Variants in DLGAP1 observed in about 807,000 individuals in gnomAD.
The protein encoded by DLGAP1 is disks large-associated protein 1.
A neutral mutation model predicts 90.8 loss-of-function variants in DLGAP1; 11 were observed. The ratio of observed to expected loss-of-function variants is 0.12; its 90% CI spans 0.08 to 0.20. DLGAP1 has a LOEUF of 0.20. DLGAP1 is among the 10% of genes least tolerant of loss of function. The pLI is 1.00. For synonymous variants in DLGAP1, 558 were observed against 540.7 expected (o/e 1.03, Z -0.44); for missense variants, 1,050 against 1,333.8 (o/e 0.79, Z 3.31).
At chr18:3,835,190 T>G (rs2068297514) in intron 4 of DLGAP1, among the ~76,000 whole-genome samples, 1 of 152,196 alleles carries the variant, frequency 6.6e-6, no homozygotes, top group Admixed American at 6.5e-5. Flanking sequence ...TTTAGATGAT[T>G]TAGCTGTTTA....
intron 2 of DLGAP1, among the ~76,000 whole-genome samples, chr18:4,037,016 A>C (rs898970618): frequency 1.3e-5 from 2 of 152,186 alleles, no homozygotes; most frequent in African/African-American, 4.8e-5. Flanking sequence ...CTCTCTGTTC[A>C]TTAGTAAGAG....
intron 1 of DLGAP1, among the ~76,000 whole-genome samples, chr18:4,203,985 A>G (rs2077664535): frequency 6.6e-6 from 1 of 152,186 alleles, no homozygotes; most frequent in African/African-American, 2.4e-5. Flanking sequence ...CAAACACAAG[A>G]AGCTTAGGAT....
chr18:3,769,199 T>C (rs1317182429), intron 5 of DLGAP1, among the ~76,000 whole-genome samples: 4 of 152,128 alleles, frequency 2.6e-5, no homozygotes. Flanking sequence ...AATAAGATAG[T>C]ACTCCACTCC....
At chr18:4,196,196 C>T (rs977809470) in intron 1 of DLGAP1, among the ~76,000 whole-genome samples, 1 of 152,096 alleles carries the variant, frequency 6.6e-6, no homozygotes, top group African/African-American at 2.4e-5. Context: ...ACGGACATTA[C>T]AGTAAAGGAG....
At chr18:3,682,116 C>CAAAAAA (rs56914443) in intron 7 of DLGAP1, among the ~76,000 whole-genome samples, 1 of 111,948 alleles carries the variant, frequency 8.9e-6, no homozygotes, top group Non-Finnish European at 1.9e-5. Flanking sequence ...GACCCTGTCT[C>CAAAAAA]AAAAAAAAAA....
At chr18:4,043,184 G>T (rs2075000946) in intron 2 of DLGAP1, among the ~76,000 whole-genome samples, 1 of 152,244 alleles carries the variant, frequency 6.6e-6, no homozygotes, top group African/African-American at 2.4e-5. Flanking sequence ...AATATTTGTT[G>T]TAAATATAAT....
chr18:4,397,670 G>A (rs1303190029), intron 1 of DLGAP1, among the ~76,000 whole-genome samples: 2 of 151,916 alleles, frequency 1.3e-5, no homozygotes, highest in Non-Finnish European at 2.9e-5. Flanking sequence ...TCCTGAATCT[G>A]GAATTATTTG....
At chr18:4,263,073 A>G (rs2079034666) in intron 1 of DLGAP1, among the ~76,000 whole-genome samples, 1 of 152,094 alleles carries the variant, frequency 6.6e-6, no homozygotes, top group South Asian at 2.1e-4. Context: ...AGCTGGGACT[A>G]CAGGCACGTG....
intron 9 of DLGAP1, among the ~76,000 whole-genome samples, chr18:3,538,733 A>G (rs560842628): frequency 2.0e-5 from 3 of 152,334 alleles, no homozygotes; most frequent in African/African-American, 7.2e-5. Context: ...TACATTTCCA[A>G]ACTTAAAGAA....
rs10558980 is a variant in DLGAP1, at chr18:4,162,919, TAA to T, written c.-266-11634_-266-11633del. ...ATCTGAAATAATCAGAGTTTTTTTT[TAA>T]AAAAAAACATAATATCATTCTGTTT... is the stretch of plus-strand genomic sequence containing the variant. On this transcript the variant is annotated intron_variant, in intron 1 of 12. Transcript: ENST00000315677. Among the ~76,000 whole-genome samples, 10 of 126,194 alleles carry T rather than the reference TAA, an allele frequency of 7.9e-5. No individual in the cohort carries two copies. The East Asian group carries it at 8.4e-4, about 11-fold the overall frequency. The allele number at this position is 126,194 out of a possible 152,430, so 82.8% of individuals were successfully genotyped here. A position where few individuals can be genotyped will look rare whatever the true frequency, so the allele number is the denominator to read the frequency against.
chr18:3,751,512 G>C (rs992057231), intron 5 of DLGAP1, among the ~76,000 whole-genome samples: 2 of 150,354 alleles, frequency 1.3e-5, no homozygotes, highest in African/African-American at 4.9e-5. Context: ...TGCCCTGGCT[G>C]GTCTTGAACT....
intron 1 of DLGAP1, among the ~76,000 whole-genome samples, chr18:4,316,883 A>T (rs9944973): frequency 1.2e-4 from 18 of 152,056 alleles, no homozygotes; most frequent in Admixed American, 7.2e-4. Context: ...CAGCTTATTT[A>T]GGATAGGGAC....
chr18:3,802,206 A>G (rs1255147554), intron 5 of DLGAP1, among the ~76,000 whole-genome samples: 1 of 151,396 alleles, frequency 6.6e-6, no homozygotes, highest in Non-Finnish European at 1.5e-5. Context: ...GCTGGTCTTG[A>G]ACTCCTGACT....
intron 7 of DLGAP1, among the ~76,000 whole-genome samples, chr18:3,690,483 T>C (rs2060855584): frequency 6.6e-6 from 1 of 152,132 alleles, no homozygotes; most frequent in East Asian, 1.9e-4. Context: ...CTTGGAGTCA[T>C]CTTTGGGATA....
chr18:3,658,472 G>T (rs184980825), intron 7 of DLGAP1, among the ~76,000 whole-genome samples: 1 of 152,136 alleles, frequency 6.6e-6, no homozygotes, highest in Non-Finnish European at 1.5e-5. Context: ...CATAAAGGGG[G>T]TAATCATTTA....
chr18:4,039,826 A>G (rs2074948984), intron 2 of DLGAP1, among the ~76,000 whole-genome samples: 3 of 152,238 alleles, frequency 2.0e-5, no homozygotes. Context: ...TATTTACTAA[A>G]TCAAATTTGA....
chr18:3,765,410 G>C (rs183227033), intron 5 of DLGAP1, among the ~76,000 whole-genome samples: 5 of 151,494 alleles, frequency 3.3e-5, no homozygotes, highest in Non-Finnish European at 5.9e-5. Flanking sequence ...GATTACAGGC[G>C]TGAGCCACTG....
chr18:3,810,000 T>C (rs1001654540), intron 5 of DLGAP1, among the ~76,000 whole-genome samples: 2 of 152,236 alleles, frequency 1.3e-5, no homozygotes, highest in African/African-American at 4.8e-5. Context: ...AAATTTACTA[T>C]TAAACATTCA....
chr18:4,173,799 G>T (rs983896611), intron 1 of DLGAP1, among the ~76,000 whole-genome samples: 1 of 152,160 alleles, frequency 6.6e-6, no homozygotes, highest in African/African-American at 2.4e-5. Flanking sequence ...ATATGTAATG[G>T]CTGCTGAGAG....
Sources: allele counts gnomAD v4.1 joint callset (sites outside exome capture counted in the v4.1 genomes callset), GRCh38; gene constraint gnomAD v4.1.1; transcripts MANE v1.5; gene names NCBI Gene and HGNC (gene_info 2026-07-23, HGNC 2026-07-21).